CTNNA2: variants seen among roughly 807,000 people sequenced by gnomAD.
The protein encoded by CTNNA2 is catenin alpha 2, also known as catenin alpha-2.
CTNNA2 carries 42 observed loss-of-function variants against 101.0 expected under a neutral mutation model. The ratio of observed to expected loss-of-function variants is 0.42; its 90% CI spans 0.32 to 0.54. The LOEUF is 0.54. Among genes scored for constraint, CTNNA2 ranks in the 20% least tolerant of loss-of-function variants. The pLI, the probability that CTNNA2 is intolerant of heterozygous loss-of-function variation, is 0.14. For missense variants in CTNNA2, 871 were observed against 1,223.1 expected (o/e 0.71, Z 4.29); for synonymous variants, 450 against 456.4 (o/e 0.99, Z 0.18).
At chr2:79,886,516 C>T (rs1323876947) in intron 6 of CTNNA2, among the ~76,000 whole-genome samples, 1 of 151,706 alleles carries the variant, frequency 6.6e-6, no homozygotes, top group Non-Finnish European at 1.5e-5. Flanking sequence ...CTTTGGGAGG[C>T]CGAGGCGGGC....
intron 18 of CTNNA2, among the ~76,000 whole-genome samples, chr2:80,631,558 C>A (rs555475335): frequency 6.6e-6 from 1 of 151,948 alleles, no homozygotes; most frequent in African/African-American, 2.4e-5. Flanking sequence ...TGAAGGGAAC[C>A]CTTTGGCGCT....
intron 2 of CTNNA2, among the ~76,000 whole-genome samples, chr2:79,716,965 T>G (rs974234041): frequency 2.2e-4 from 33 of 152,090 alleles, no homozygotes; most frequent in Admixed American, 3.3e-4. Context: ...GGTGCTGAAA[T>G]TTTCATCATT....
chr2:79,398,497 A>C (rs1376716709), intron 4 of CTNNA2, among the ~76,000 whole-genome samples: 1 of 152,112 alleles, frequency 6.6e-6, no homozygotes, highest in Non-Finnish European at 1.5e-5. Context: ...CATTTAAACA[A>C]ATTTTTAGCT....
At chr2:79,683,470 A>C (rs1683724421) in intron 2 of CTNNA2, among the ~76,000 whole-genome samples, 1 of 152,214 alleles carries the variant, frequency 6.6e-6, no homozygotes, top group Non-Finnish European at 1.5e-5. Flanking sequence ...GCACCAAAAC[A>C]CCTACTGGCC....
At chr2:80,598,934 A>C (rs1173613027) in intron 15 of CTNNA2, among the ~76,000 whole-genome samples, 1 of 152,204 alleles carries the variant, frequency 6.6e-6, no homozygotes, top group African/African-American at 2.4e-5. Flanking sequence ...TCTGTGTCTC[A>C]ATTGTAGTAG....
intron 3 of CTNNA2, among the ~76,000 whole-genome samples, chr2:79,770,326 G>A (rs1342601437): frequency 6.6e-6 from 1 of 152,150 alleles, no homozygotes; most frequent in Non-Finnish European, 1.5e-5. Flanking sequence ...TTAGTTCATG[G>A]TCTCTAAATT....
chr2:79,607,499 T>C (rs1313158455), intron 1 of CTNNA2, among the ~76,000 whole-genome samples: 1 of 152,108 alleles, frequency 6.6e-6, no homozygotes, highest in Non-Finnish European at 1.5e-5. Context: ...GACCATATTG[T>C]AGTAAATAAA....
At chr2:79,317,425 T>A (rs912319352) in intron 3 of CTNNA2, among the ~76,000 whole-genome samples, 2 of 152,000 alleles carry the variant, frequency 1.3e-5, no homozygotes, top group Admixed American at 1.3e-4. Flanking sequence ...CCTCATAGAT[T>A]GGGTTGGGTT....
chr2:80,510,084 A>G (rs973836283), intron 9 of CTNNA2, among the ~76,000 whole-genome samples: 2 of 152,200 alleles, frequency 1.3e-5, no homozygotes, highest in African/African-American at 4.8e-5. Context: ...AGTATAGTTT[A>G]TGGCATACAA....
At chr2:79,975,907 A>T (rs1490013946) in intron 7 of CTNNA2, among the ~76,000 whole-genome samples, 1 of 152,152 alleles carries the variant, frequency 6.6e-6, no homozygotes, top group Non-Finnish European at 1.5e-5. Flanking sequence ...ATGATTGATT[A>T]AACCATTGGC....
chr2:79,844,644 A>C lies in CTNNA2; in HGVS notation c.299-13369A>C, dbSNP rs186189664. Among the ~76,000 whole-genome samples, 850 of 152,244 alleles carry C rather than the reference A, an allele frequency of 5.6e-3. 7 individuals are homozygous for C. The highest frequency in any genetic ancestry group is 0.019 in the African/African-American group (798 of 41,534). ...CTCTTGGCCTCAGAAATCCTGTTAG[A>C]AGTAAAATGGGGCCCAACAGAGAGG... On this transcript the variant is annotated intron_variant, in intron 3 of 18. Coordinates refer to ENST00000402739, the MANE Select transcript of CTNNA2 (RefSeq NM_001282597.3).
At chr2:79,666,129 C>T (rs896874979) in intron 2 of CTNNA2, among the ~76,000 whole-genome samples, 1 of 152,134 alleles carries the variant, frequency 6.6e-6, no homozygotes, top group African/African-American at 2.4e-5. Context: ...TTAAAAATTT[C>T]AGGATATTTT....
chr2:80,222,925 T>C (rs73938238), intron 7 of CTNNA2, among the ~76,000 whole-genome samples: 3,379 of 152,310 alleles, frequency 0.022, 129 homozygotes, highest in African/African-American at 0.076. Context: ...GTGGTTTCTT[T>C]TGAGATTTCA....
chr2:79,291,416 A>T (rs1247196283), intron 2 of CTNNA2, among the ~76,000 whole-genome samples: 1 of 152,164 alleles, frequency 6.6e-6, no homozygotes, highest in Non-Finnish European at 1.5e-5. Flanking sequence ...ATTATTTCTT[A>T]TCTCCTTCCT....
intron 7 of CTNNA2, among the ~76,000 whole-genome samples, chr2:80,041,258 G>A (rs1012017732): frequency 1.3e-5 from 2 of 151,552 alleles, no homozygotes; most frequent in South Asian, 2.1e-4. Context: ...AAAGGAGGCA[G>A]AGTAATTTTT....
chr2:80,378,628 A>C (rs1319294823), intron 7 of CTNNA2: 2 of 152,152 alleles, frequency 1.3e-5, no homozygotes, highest in Non-Finnish European at 2.9e-5. Flanking sequence ...TTAAAAATCC[A>C]GTTTTCCATA....
At chr2:79,499,399 T>C (rs970213524) in intron 4 of CTNNA2, among the ~76,000 whole-genome samples, 4 of 152,216 alleles carry the variant, frequency 2.6e-5, no homozygotes, top group African/African-American at 7.2e-5. Context: ...TGTGTACATC[T>C]GAATGTGTCC....
chr2:80,533,966 C>T (rs918693201), intron 9 of CTNNA2, among the ~76,000 whole-genome samples: 25 of 152,094 alleles, frequency 1.6e-4, no homozygotes, highest in Non-Finnish European at 2.8e-4. Context: ...TATTTTAAGC[C>T]ACTGAGGTTT....
chr2:79,219,351 T>G (rs963227326), intron 2 of CTNNA2, among the ~76,000 whole-genome samples: 4 of 152,190 alleles, frequency 2.6e-5, no homozygotes, highest in African/African-American at 9.6e-5. Context: ...TTTGTGAAAA[T>G]GGAAATGTTT....
Sources: gnomAD v4.1 joint callset for allele counts (sites outside exome capture counted in the v4.1 genomes callset) on GRCh38, gnomAD v4.1.1 for gene constraint, MANE v1.5 for transcripts, NCBI Gene and HGNC (gene_info 2026-07-23, HGNC 2026-07-21) for gene names.